Variants in VPS13B observed in about 807,000 individuals in gnomAD.
The protein encoded by VPS13B is vacuolar protein sorting 13 homolog B.
VPS13B carries 285 observed loss-of-function variants against 426.4 expected under a neutral mutation model. The observed-to-expected ratio is 0.67, with a 90% CI of 0.61 to 0.74. The LOEUF (loss-of-function observed/expected upper bound fraction) is 0.74, where lower values mean the gene tolerates loss of function less well. Among genes scored for constraint, VPS13B ranks in the 30% least tolerant of loss-of-function variants. The pLI, the probability that VPS13B is intolerant of heterozygous loss-of-function variation, is 0.00. For synonymous variants in VPS13B, 1,676 were observed against 1,676.4 expected (o/e 1.00, Z 0.01); for missense variants, 4,537 against 4,782.6 (o/e 0.95, Z 1.51).
At chr8:99,176,889 C>T (rs1439211617) in intron 16 of VPS13B, among the ~76,000 whole-genome samples, 2 of 152,098 alleles carry the variant, frequency 1.3e-5, no homozygotes, top group Non-Finnish European at 2.9e-5. Flanking sequence ...GATGGTTTGA[C>T]AATTTTAGAA....
intron 23 of VPS13B, among the ~76,000 whole-genome samples, chr8:99,453,450 G>A (rs2133467620): frequency 6.6e-6 from 1 of 152,268 alleles, no homozygotes; most frequent in Admixed American, 6.5e-5. Context: ...TGTATTACTA[G>A]TAAAATTAAG....
chr8:99,866,518 T>C (rs1429531009), intron 58 of VPS13B, among the ~76,000 whole-genome samples: 1 of 152,258 alleles, frequency 6.6e-6, no homozygotes, highest in Non-Finnish European at 1.5e-5. Flanking sequence ...GGACTCAGGC[T>C]TTCCACTTTT....
At chr8:99,102,903 A>T in intron 4 of VPS13B, 50 bp from the exon 5 acceptor site, 2 of 1,468,306 alleles carry the variant, frequency 1.4e-6, no homozygotes, top group Non-Finnish European at 9.5e-7. Context: ...AGAAATAATT[A>T]TTTACTGAGA....
chr8:99,023,377 A>G (rs1290367875), intron 2 of VPS13B, among the ~76,000 whole-genome samples: 1 of 152,088 alleles, frequency 6.6e-6, no homozygotes, highest in African/African-American at 2.4e-5. Context: ...TTCACATAAC[A>G]TAATGACCTT....
At chr8:99,351,191 T>C (rs1811859736) in intron 19 of VPS13B, among the ~76,000 whole-genome samples, 1 of 152,196 alleles carries the variant, frequency 6.6e-6, no homozygotes. Flanking sequence ...TCTTTTCTCT[T>C]AATTATGTTT....
intron 19 of VPS13B, among the ~76,000 whole-genome samples, chr8:99,365,859 A>G (rs1005147569): frequency 1.1e-4 from 16 of 151,900 alleles, no homozygotes; most frequent in African/African-American, 3.9e-4. Flanking sequence ...CTGGTCATTC[A>G]GGGACATATT....
chr8:99,848,358 A>C (rs1343354800), intron 54 of VPS13B, among the ~76,000 whole-genome samples: 2 of 152,172 alleles, frequency 1.3e-5, no homozygotes, highest in African/African-American at 4.8e-5. Flanking sequence ...CCCCTATAGA[A>C]GTAAGTCAAC....
Position 99,507,205 on chromosome 8 carries a change from TGA to T in VPS13B, c.4224+5_4224+6del. The T allele has an allele frequency of 6.2e-7, 1 of 1,613,838 alleles. No homozygotes were observed. Among genetic ancestry groups the T allele is most frequent in the Non-Finnish European group, 8.5e-7 (1 of 1,179,834 alleles). ...CTACAATGCAAAGAAAAATCTGTGGTGAGACCCATTTAGTTACTATGATTTTT... is the reference window on the plus strand; with the variant it reads ...CTACAATGCAAAGAAAAATCTGTGGTGACCCATTTAGTTACTATGATTTTT... On this transcript the variant is annotated splice_donor_region_variant and intron_variant, in intron 28 of 61. Transcript: ENST00000357162.
intron 31 of VPS13B, among the ~76,000 whole-genome samples, chr8:99,572,638 A>C (rs1419466696): frequency 6.6e-6 from 1 of 152,114 alleles, no homozygotes; most frequent in Non-Finnish European, 1.5e-5. Flanking sequence ...TGAACTCATC[A>C]TTTTTATGGC....
At chr8:99,369,220 C>G (rs1813048129) in intron 19 of VPS13B, among the ~76,000 whole-genome samples, 2 of 152,072 alleles carry the variant, frequency 1.3e-5, no homozygotes, top group African/African-American at 2.4e-5. Flanking sequence ...ATCTTTGAAC[C>G]TTGAGTCGCT....
At chr8:99,873,913 T>G (rs564611265) in intron 61 of VPS13B, among the ~76,000 whole-genome samples, 16 of 152,152 alleles carry the variant, frequency 1.1e-4, no homozygotes, top group Non-Finnish European at 2.1e-4. Flanking sequence ...AAGTAGTATT[T>G]TAAGATCTAT....
At chr8:99,113,588 G>A (rs534353941) in intron 6 of VPS13B, among the ~76,000 whole-genome samples, 2 of 152,034 alleles carry the variant, frequency 1.3e-5, no homozygotes, top group South Asian at 4.2e-4. Context: ...TTTTGAGACG[G>A]AGTCTTGCTC....
intron 19 of VPS13B, among the ~76,000 whole-genome samples, chr8:99,279,830 C>T (rs910553493): frequency 1.3e-5 from 2 of 152,052 alleles, no homozygotes; most frequent in Non-Finnish European, 2.9e-5. Flanking sequence ...AGTGCAGTGG[C>T]GCGATCTTGG....
intron 17 of VPS13B, chr8:99,233,445 G>A (rs1588160475): frequency 4.6e-6 from 6 of 1,305,934 alleles, no homozygotes; most frequent in Non-Finnish European, 6.7e-6. Context: ...CTTTCTTCCC[G>A]ATGATGGTAC....
At chr8:99,570,470 T>C (rs1395505948) in intron 31 of VPS13B, among the ~76,000 whole-genome samples, 2 of 152,128 alleles carry the variant, frequency 1.3e-5, no homozygotes, top group African/African-American at 2.4e-5. Flanking sequence ...CCACCTATTA[T>C]GTCTTTAACT....
At chr8:99,184,850 G>A (rs553521765) in intron 16 of VPS13B, among the ~76,000 whole-genome samples, 60 of 152,150 alleles carry the variant, frequency 3.9e-4, no homozygotes, top group Non-Finnish European at 7.2e-4. Flanking sequence ...AATTAGCCAG[G>A]TGCAGTGGCA....
intron 48 of VPS13B, 39 bp downstream of exon 48, chr8:99,819,621 C>T: frequency 6.3e-7 from 1 of 1,598,582 alleles, no homozygotes; most frequent in Non-Finnish European, 8.5e-7. Context: ...AAAAATTTCT[C>T]AACATTAACA....
At chr8:99,577,066 T>C (rs1563805834) in intron 32 of VPS13B, among the ~76,000 whole-genome samples, 1 of 152,148 alleles carries the variant, frequency 6.6e-6, no homozygotes, top group Admixed American at 6.5e-5. Context: ...CATTATTCTT[T>C]GTGATATTCA....
At chr8:99,079,519 C>T (rs1006687302) in intron 3 of VPS13B, among the ~76,000 whole-genome samples, 3 of 152,116 alleles carry the variant, frequency 2.0e-5, no homozygotes, top group Non-Finnish European at 4.4e-5. Context: ...ATGTTAACTG[C>T]TGTATAGTAT....
Sources: allele counts gnomAD v4.1 joint callset (sites outside exome capture counted in the v4.1 genomes callset), GRCh38; gene constraint gnomAD v4.1.1; transcripts MANE v1.5; gene names NCBI Gene and HGNC (gene_info 2026-07-23, HGNC 2026-07-21).